Variants in ATP11B observed in about 807,000 individuals in gnomAD.
ATP11B encodes the protein ATPase phospholipid transporting 11B (putative).
In ATP11B, 81 loss-of-function variants were observed where a neutral mutation model predicts 157.8. The observed-to-expected ratio is 0.51, with a 90% CI of 0.43 to 0.62. The LOEUF is 0.62. Ranked by LOEUF, ATP11B falls within the 20% of genes least tolerant of loss-of-function variation. ATP11B has a pLI of 0.00. For synonymous variants in ATP11B, 451 were observed against 469.4 expected, an observed-to-expected ratio of 0.96 and a Z score of 0.51; for missense variants, 1,165 against 1,402.2, an observed-to-expected ratio of 0.83 and a Z score of 2.70.
At chr3:182,873,761 A>G in intron 18 of ATP11B, 51 bp from the exon 19 acceptor site, 6 of 1,441,008 alleles carry the variant, frequency 4.2e-6, no homozygotes, top group African/African-American at 1.4e-5. Flanking sequence ...TTAACTTAAA[A>G]TACAGTCATA....
intron 4 of ATP11B, among the ~76,000 whole-genome samples, chr3:182,833,392 C>T (rs1227190887): frequency 1.3e-5 from 2 of 152,148 alleles, no homozygotes; most frequent in African/African-American, 4.8e-5. Context: ...GTAGTGCAAT[C>T]AGAGTTCATT....
chr3:182,835,970 T>TTATTA, intron 4 of ATP11B, 65 bp from the exon 5 acceptor site: 1 of 1,382,348 alleles, frequency 7.2e-7, no homozygotes, highest in Non-Finnish European at 9.9e-7. Flanking sequence ...GTTTTTTTTC[T>TTATTA]TATTTGATAA....
chr3:182,889,522 G>A lies in ATP11B; in HGVS notation c.2956G>A (p.Asp986Asn). Residue 986 changes from aspartate (D) to asparagine (N), a missense_variant, in exon 25 of 30, where the codon GAT becomes AAT. Physicochemically the swap from Asp to Asn is conservative, Grantham distance 23 (BLOSUM62 1). This residue lies in a region of ATP11B where 303 missense variants were observed against 296.3 expected (regional missense o/e 1.02). Coordinates refer to ENST00000323116, the MANE Select transcript of ATP11B (RefSeq NM_014616.3). ...TGGATCCTATTTACTAATAGGGAAAGATACATCTCTGCTTGGAAATGGCCA... is the reference window on the plus strand; with the variant it reads ...TGGATCCTATTTACTAATAGGGAAAAATACATCTCTGCTTGGAAATGGCCA... Reference protein sequence around the residue: ...FFGSYLLIGKDTSLLGNGQMF... With the variant: ...FFGSYLLIGKNTSLLGNGQMF... 1 of 1,561,726 alleles carries A rather than the reference G, an allele frequency of 6.4e-7. No homozygotes were observed. Among genetic ancestry groups the A allele is most frequent in the East Asian group, 2.4e-5 (1 of 41,584 alleles).
intron 25 of ATP11B, among the ~76,000 whole-genome samples, chr3:182,895,158 C>A (rs185565111): frequency 2.4e-4 from 36 of 149,884 alleles, no homozygotes; most frequent in African/African-American, 7.1e-4. Context: ...GTGTCCATAC[C>A]CATGAAAGAG....
intron 24 of ATP11B, among the ~76,000 whole-genome samples, chr3:182,888,756 C>G (rs982178000): frequency 1.3e-5 from 2 of 151,926 alleles, no homozygotes; most frequent in African/African-American, 4.8e-5. Flanking sequence ...CCATGTTGCC[C>G]TGGCTGGCTT....
At chr3:182,819,175 C>A (rs1717162455) in intron 1 of ATP11B, among the ~76,000 whole-genome samples, 1 of 149,082 alleles carries the variant, frequency 6.7e-6, no homozygotes, top group South Asian at 2.1e-4. Flanking sequence ...CTCCCGGGTT[C>A]CCGCCATTCT....
chr3:182,867,333 T>C, intron 14 of ATP11B, 43 bp from the exon 15 acceptor site: 1 of 1,127,292 alleles, frequency 8.9e-7, no homozygotes, highest in Admixed American at 1.8e-5. Context: ...AAATATGCAG[T>C]ATTATTTCTT....
At chr3:182,807,678 A>G (rs1394822172) in intron 1 of ATP11B, among the ~76,000 whole-genome samples, 2 of 152,202 alleles carry the variant, frequency 1.3e-5, no homozygotes, top group Non-Finnish European at 2.9e-5. Context: ...ATTATGTCAT[A>G]CTTTTAAATC....
chr3:182,874,307 G>A (rs1426294403), intron 19 of ATP11B, among the ~76,000 whole-genome samples: 4 of 152,192 alleles, frequency 2.6e-5, no homozygotes, highest in Non-Finnish European at 5.9e-5. Flanking sequence ...TTGAGTAGTT[G>A]CAGCAGAGAC....
intron 10 of ATP11B, among the ~76,000 whole-genome samples, chr3:182,853,304 T>C (rs1278937042): frequency 6.6e-6 from 1 of 151,772 alleles, no homozygotes; most frequent in Non-Finnish European, 1.5e-5. Flanking sequence ...GCCTCCCGGG[T>C]TCAAGCGATT....
At chr3:182,818,785 CGTA>C (rs1362261691) in intron 1 of ATP11B, among the ~76,000 whole-genome samples, 1 of 151,958 alleles carries the variant, frequency 6.6e-6, no homozygotes, top group Non-Finnish European at 1.5e-5. Context: ...AAATTACTTA[CGTA>C]GTAGGTTACT....
Position 182,908,197 on chromosome 3 carries a change from T to G in ATP11B, c.3319-5664T>G, listed in dbSNP as rs1364545935. Among the ~76,000 whole-genome samples the G allele has an allele frequency of 5.8e-5, 4 of 68,778 alleles. No homozygotes were observed. The Admixed American group carries it at 6.3e-4, about 11-fold the overall frequency. The allele number at this position is 68,778 out of a possible 152,430, so 45.1% of individuals were successfully genotyped here. ...ATATAATTCTCATATTATTATTTTC[T>G]TTTTTTTTTTTTTTTTTTTTTTTTG... On this transcript the variant is annotated intron_variant, in intron 28 of 29. Transcript: ENST00000323116.
chr3:182,854,736 T>C (rs1034855217), intron 10 of ATP11B, among the ~76,000 whole-genome samples: 2 of 150,570 alleles, frequency 1.3e-5, no homozygotes, highest in Admixed American at 1.3e-4. Flanking sequence ...GTATATAATA[T>C]ATATGTGCAT....
intron 28 of ATP11B, among the ~76,000 whole-genome samples, chr3:182,903,051 C>A (rs1419468905): frequency 6.6e-6 from 1 of 152,026 alleles, no homozygotes; most frequent in Non-Finnish European, 1.5e-5. Flanking sequence ...CTATTTAGTG[C>A]ATCTATAAAT....
intron 25 of ATP11B, among the ~76,000 whole-genome samples, chr3:182,890,246 C>T (rs958135926): frequency 1.3e-4 from 20 of 152,210 alleles, no homozygotes; most frequent in African/African-American, 4.8e-4. Context: ...AAAGAAATGA[C>T]AGCAGTGGTA....
Position 182,889,446 on chromosome 3 carries a change from A to G in ATP11B, c.2880A>G (p.Thr960=), listed in dbSNP as rs1723026422. The G allele has an allele frequency of 1.3e-6, 2 of 1,577,060 alleles. No homozygotes were observed. The highest frequency in any genetic ancestry group is 2.0e-5 in the Admixed American group (1 of 51,126). Residue 960 remains threonine, a synonymous_variant, in exon 25 of 30, where the codon ACA becomes ACG. Transcript: ENST00000323116. ...AAAACCGCCTCTTAAGTATTAAAAC[A>G]TTTCTTTATTGGACCATCCTGGGCT... ...ISKNRLLSIK[T]FLYWTILGFS... is the part of the protein sequence containing the mutation.
At position 182,880,962 on chromosome 3, in the gene ATP11B, A is replaced by G; in HGVS notation, c.2490A>G (p.Gln830=). ...GTGCTAATGACGTAAGCATGATACA[A>G]GAAGCCCATGTTGGCATAGGTGATT... ...GDGANDVSMI[Q]EAHVGIGIMG... is the part of the protein sequence containing the mutation. Residue 830 remains glutamine, a synonymous_variant, in exon 21 of 30, where the codon CAA becomes CAG. Transcript: ENST00000323116. 1 of 1,591,668 alleles carries G rather than the reference A, an allele frequency of 6.3e-7. No individual in the cohort carries two copies. Among genetic ancestry groups the G allele is most frequent in the Non-Finnish European group, 8.5e-7 (1 of 1,170,462 alleles).
At position 182,865,697 on chromosome 3, in the gene ATP11B, TAGTA is replaced by T. The variant is rs1721182044; in HGVS notation, c.1443+5_1443+8del. The stretch of plus-strand genomic sequence containing the variant: ...ACCAGTCCTGAAAATGAAACTGAAC[TAGTA>T]AGTAATTTTTAAATTAATAAATAAG... On this transcript the variant is annotated splice_donor_variant and splice_donor_region_variant and coding_sequence_variant and intron_variant, in exon 13 of 30. Transcript: ENST00000323116. LOFTEE classifies it high-confidence loss of function. The T allele has an allele frequency of 6.3e-7, 1 of 1,597,090 alleles. No homozygotes were observed. The highest frequency in any genetic ancestry group is 8.5e-7 in the Non-Finnish European group (1 of 1,173,150).
At chr3:182,799,005 T>C (rs1299085887) in intron 1 of ATP11B, among the ~76,000 whole-genome samples, 2 of 152,264 alleles carry the variant, frequency 1.3e-5, no homozygotes, top group Non-Finnish European at 1.5e-5. Flanking sequence ...ATGGTAACAA[T>C]ATATAATGCC....
Sources: allele counts gnomAD v4.1 joint callset (sites outside exome capture counted in the v4.1 genomes callset), GRCh38; gene constraint gnomAD v4.1.1; regional missense constraint gnomAD v4.1.1; transcripts MANE v1.5; gene names NCBI Gene and HGNC (gene_info 2026-07-23, HGNC 2026-07-21).